TTC7A: variants seen among roughly 807,000 people sequenced by gnomAD.
TTC7A encodes tetratricopeptide repeat protein 7A.
TTC7A carries 110 observed loss-of-function variants against 103.7 expected under a neutral mutation model. The ratio of observed to expected loss-of-function variants is 1.06; its 90% CI spans 0.91 to 1.24. The LOEUF (loss-of-function observed/expected upper bound fraction) is 1.24, where lower values mean the gene tolerates loss of function less well. Ranked by LOEUF, TTC7A falls within the 50% of genes most tolerant of loss-of-function variation. The pLI is 0.00. For missense variants in TTC7A, 1,340 were observed against 1,116.3 expected, an observed-to-expected ratio of 1.20 and a Z score of -2.86; for synonymous variants, 521 against 467.9, an observed-to-expected ratio of 1.11 and a Z score of -1.47.
At chr2:47,006,870 G>A (rs1677467895) in intron 10 of TTC7A, 146 bp downstream of exon 10, 1 of 671,986 alleles carries the variant, frequency 1.5e-6, no homozygotes, top group Non-Finnish European at 2.7e-6. Flanking sequence ...GGCGTGGGGT[G>A]GGCCACACAG....
chr2:46,921,894 C>T (rs754047190), intron 2 of TTC7A, among the ~76,000 whole-genome samples: 3 of 146,106 alleles, frequency 2.1e-5, no homozygotes, highest in Non-Finnish European at 4.5e-5. Context: ...AGGCATAGCT[C>T]AGGTTGGTAA....
At chr2:46,924,283 C>T (rs888399860) in intron 2 of TTC7A, among the ~76,000 whole-genome samples, 1 of 151,532 alleles carries the variant, frequency 6.6e-6, no homozygotes, top group Non-Finnish European at 1.5e-5. Flanking sequence ...AAACTGTAAA[C>T]CCCCCAGGGA....
chr2:46,942,979 C>T (rs1351502876), intron 1 of TTC7A, among the ~76,000 whole-genome samples: 1 of 152,120 alleles, frequency 6.6e-6, no homozygotes, highest in Non-Finnish European at 1.5e-5. Flanking sequence ...GATCTCAGCT[C>T]ACTGCAGCCT....
Position 47,007,918 on chromosome 2 carries a change from G to T in TTC7A, c.1287+1194G>T, listed in dbSNP as rs1677596756. Among the ~76,000 whole-genome samples the T allele has an allele frequency of 6.6e-6, 1 of 152,262 alleles. No homozygotes were observed. The highest frequency in any genetic ancestry group is 2.1e-4 in the South Asian group (1 of 4,834). ...ATTCAGAACACAGGGCAAGGCCCTG[G>T]CCCTCCAAGGGTTAGAGAGTGAGAG... On this transcript the variant is annotated intron_variant, in intron 10 of 19. Coordinates refer to ENST00000319190, the MANE Select transcript of TTC7A (RefSeq NM_020458.4). The surrounding 1 kb of genome is among the most constrained non-coding windows in gnomAD (Gnocchi z 4.9).
chr2:47,047,411 A>G (rs1682436561), intron 16 of TTC7A: 1 of 972,300 alleles, frequency 1.0e-6, no homozygotes, highest in Admixed American at 2.5e-5. Context: ...AGGGCAGAGG[A>G]GGACCAGTGG....
intron 15 of TTC7A, among the ~76,000 whole-genome samples, chr2:47,031,636 C>G (rs1393310874): frequency 6.6e-6 from 1 of 152,232 alleles, no homozygotes; most frequent in African/African-American, 2.4e-5. Flanking sequence ...GACTGTGATG[C>G]AGGCGGGAGC....
chr2:47,057,544 G>A (rs1558637610), intron 18 of TTC7A, among the ~76,000 whole-genome samples: 2 of 152,226 alleles, frequency 1.3e-5, no homozygotes, highest in Non-Finnish European at 2.9e-5. Flanking sequence ...AGACAGCGCA[G>A]CAAGTTGTAA....
chr2:47,073,887 T>C lies in TTC7A; in HGVS notation c.2541T>C (p.Pro847=), dbSNP rs1396219736. 2.5e-6 allele frequency: 4 copies of C among 1,613,270 alleles called. No individual in the cohort carries two copies. The highest frequency in any genetic ancestry group is 3.3e-5 in the Admixed American group (2 of 60,022). The change falls in exon 20 of 20, where the codon CCT becomes CCC. Residue 847 remains proline (P), a synonymous_variant. Coordinates refer to ENST00000319190, the MANE Select transcript of TTC7A (RefSeq NM_020458.4). ...CCCTTGAGCTGGAGGCCAGCAGCCC[T>C]GTACTGCCCTTCTCCATCATCCCCA... is the stretch of plus-strand genomic sequence containing the variant. ...LTALELEASS[P]VLPFSIIPRE... is the part of the protein sequence containing the mutation.
rs186138475 is a variant in TTC7A at position 47,043,789 on chromosome 2, A to G, written c.1803-2526A>G. Among the ~76,000 whole-genome samples the G allele has an allele frequency of 2.9e-3, 441 of 152,210 alleles. 2 individuals carry two copies. The highest frequency in any genetic ancestry group is 0.01 in the African/African-American group (417 of 41,526). On this transcript the variant is annotated intron_variant, in intron 15 of 19. Coordinates refer to ENST00000319190, the MANE Select transcript of TTC7A (RefSeq NM_020458.4). ...GGGTTGAGAAAATCCGCTCTGGGCC[A>G]CTCATGCTAATGGAATGTCAGCAGC...
chr2:47,067,146 T>G (rs138936861), intron 19 of TTC7A, among the ~76,000 whole-genome samples: 1 of 152,362 alleles, frequency 6.6e-6, no homozygotes, highest in African/African-American at 2.4e-5. Context: ...TCAATTCTGC[T>G]GATTGAGGCT....
intron 5 of TTC7A, among the ~76,000 whole-genome samples, chr2:46,986,974 A>C (rs988828109): frequency 6.6e-6 from 1 of 152,122 alleles, no homozygotes; most frequent in Non-Finnish European, 1.5e-5. Context: ...GAGGGATGTT[A>C]ATTTCCTCCA....
chr2:46,942,955 G>A (rs1670574461), intron 1 of TTC7A, among the ~76,000 whole-genome samples: 1 of 152,086 alleles, frequency 6.6e-6, no homozygotes, highest in Admixed American at 6.5e-5. Flanking sequence ...ACCCAGGCTG[G>A]AGTGTAATAG....
At chr2:46,917,146 A>G in intron 1 of TTC7A, 1 of 699,936 alleles carries the variant, frequency 1.4e-6, no homozygotes, top group Middle Eastern at 3.5e-4. Flanking sequence ...CCCAGAGAAA[A>G]ATCCCATAAT....
chr2:46,992,679 G>T (rs1055844910), intron 5 of TTC7A, among the ~76,000 whole-genome samples: 2 of 152,230 alleles, frequency 1.3e-5, no homozygotes, highest in Non-Finnish European at 1.5e-5. Context: ...CCAAGGCGCA[G>T]TGGGAGCAGT....
chr2:46,993,658 GT>G, intron 6 of TTC7A, 130 bp downstream of exon 6: 1 of 808,336 alleles, frequency 1.2e-6, no homozygotes, highest in Non-Finnish European at 2.1e-6. Flanking sequence ...GCAGAGGTTG[GT>G]AATCAATCTC....
chr2:46,991,414 A>G (rs1318664733), intron 5 of TTC7A, among the ~76,000 whole-genome samples: 1 of 152,040 alleles, frequency 6.6e-6, no homozygotes, highest in Non-Finnish European at 1.5e-5. Flanking sequence ...TGGGAGGATC[A>G]CTTTAGTCCA....
In TTC7A at chr2:46,974,849, C is replaced by T. The variant is rs72888545; in HGVS notation, c.518-124C>T. 115,070 of 1,369,282 alleles carry T rather than the reference C, an allele frequency of 0.084. 5,387 individuals are homozygous for T. Among genetic ancestry groups the T allele is most frequent in the Admixed American group, 0.12 (6,063 of 49,220 alleles). The allele number at this position is 1,369,282 out of a possible 1,614,324, so 84.8% of individuals were successfully genotyped here. A position where few individuals can be genotyped will look rare whatever the true frequency, so the allele number is the denominator to read the frequency against. On this transcript the variant is annotated intron_variant, in intron 3 of 19. Transcript: ENST00000319190. ...TTCCTCCCTCCCCTCCGCAGACCTC[C>T]GCCTCCTCCTGGCTGCACCAGAGTG... is the stretch of plus-strand genomic sequence containing the variant.
intron 15 of TTC7A, among the ~76,000 whole-genome samples, chr2:47,032,556 C>T (rs1232135646): frequency 6.6e-6 from 1 of 152,142 alleles, no homozygotes; most frequent in Non-Finnish European, 1.5e-5. Context: ...CTGAGGGATT[C>T]TGGAGGTTAT....
chr2:46,988,896 C>T (rs1675316510), intron 5 of TTC7A, among the ~76,000 whole-genome samples: 1 of 152,216 alleles, frequency 6.6e-6, no homozygotes. Flanking sequence ...GAAAGGCAGG[C>T]ATCTTCCAGG....
Sources: gnomAD v4.1 joint callset for allele counts (sites outside exome capture counted in the v4.1 genomes callset) on GRCh38, gnomAD v4.1.1 for gene constraint, Gnocchi (gnomAD v3.1) non-coding constraint, MANE v1.5 for transcripts, NCBI Gene and HGNC (gene_info 2026-07-23, HGNC 2026-07-21) for gene names.